Variants in MYO1E observed in about 807,000 individuals in gnomAD.
MYO1E encodes the protein myosin IE.
Under a neutral mutation model 151.1 loss-of-function variants are expected in MYO1E, and 68 were observed. That is an observed-to-expected ratio of 0.45 (90% CI 0.37 to 0.55). The LOEUF is 0.55. Ranked by LOEUF, MYO1E falls within the 20% of genes least tolerant of loss-of-function variation. The pLI, the probability that MYO1E is intolerant of heterozygous loss-of-function variation, is 0.00. For missense variants in MYO1E, 1,363 were observed against 1,389.3 expected (o/e 0.98, Z 0.30); for synonymous variants, 601 against 501.7 (o/e 1.20, Z -2.64).
intron 1 of MYO1E, among the ~76,000 whole-genome samples, chr15:59,345,918 C>A (rs2080791632): frequency 2.0e-5 from 3 of 152,202 alleles, no homozygotes; most frequent in Admixed American, 2.0e-4. Flanking sequence ...GAGGTTTTAT[C>A]CAGCAGTTGC....
At chr15:59,330,645 C>T (rs1021473983) in intron 1 of MYO1E, among the ~76,000 whole-genome samples, 14 of 152,210 alleles carry the variant, frequency 9.2e-5, no homozygotes, top group Middle Eastern at 3.4e-3. Flanking sequence ...ACAATAGCAC[C>T]CTCCATTCCA....
At chr15:59,224,871 C>A (rs1432726712) in intron 7 of MYO1E, 48 bp from the exon 8 acceptor site, 1 of 1,613,346 alleles carries the variant, frequency 6.2e-7, no homozygotes, top group African/African-American at 1.3e-5. Context: ...CCACAAGGCA[C>A]CCGAAGTCAC....
intron 5 of MYO1E, among the ~76,000 whole-genome samples, chr15:59,232,421 A>G (rs1262936732): frequency 6.6e-6 from 1 of 152,214 alleles, no homozygotes; most frequent in African/African-American, 2.4e-5. Flanking sequence ...CAGCACTGAT[A>G]CACACTTTAA....
chr15:59,168,377 C>G (rs1312373179), intron 22 of MYO1E, among the ~76,000 whole-genome samples: 1 of 151,850 alleles, frequency 6.6e-6, no homozygotes, highest in Non-Finnish European at 1.5e-5. Flanking sequence ...GAAACCGTGT[C>G]TCTACAAAAA....
intron 17 of MYO1E, among the ~76,000 whole-genome samples, chr15:59,191,183 T>A (rs750729431): frequency 1.3e-5 from 2 of 152,014 alleles, no homozygotes; most frequent in Non-Finnish European, 2.9e-5. Flanking sequence ...AAGCCGGGCA[T>A]AGTGGCTCAC....
intron 1 of MYO1E, among the ~76,000 whole-genome samples, chr15:59,302,292 C>T (rs1321023328): frequency 6.8e-6 from 1 of 148,124 alleles, no homozygotes; most frequent in Non-Finnish European, 1.5e-5. Context: ...AAAAAGGCAC[C>T]CCAAAATAGA....
rs1033478544 is a variant in MYO1E at position 59,137,067 on chromosome 15, G to C, written c.*313C>G. The C allele has an allele frequency of 4.8e-6, 2 of 418,748 alleles. No homozygotes were observed. The highest frequency in any genetic ancestry group is 3.5e-5 in the Admixed American group (1 of 28,520). 25.9% of individuals were successfully genotyped at this position (418,748 alleles called of 1,614,324 possible). On this transcript the variant is annotated 3_prime_UTR_variant, in exon 28 of 28. Coordinates refer to ENST00000288235, the MANE Select transcript of MYO1E (RefSeq NM_004998.4). ...GAGCAAGCAGGGTGCTGTTTTGATA[G>C]AAGCCTACAAGGTCTGAGCAGACCT...
rs2079792736 is a variant in MYO1E, at chr15:59,200,256, A to T, written c.1698+2070T>A. Among the ~76,000 whole-genome samples, 3 of 152,298 alleles carry T rather than the reference A, an allele frequency of 2.0e-5. No homozygotes were observed. In the South Asian group the frequency reaches 6.2e-4, roughly 32 times the overall value. On this transcript the variant is annotated intron_variant, in intron 16 of 27. Transcript: ENST00000288235. ...TCTGGGCCCCTTGGATCTGAATGTG[A>T]CAGTCTTATGACTCGATTTTCCAGC...
At position 59,279,014 on chromosome 15, in the gene MYO1E, G is replaced by T. The variant is rs752801154; in HGVS notation, c.4-6565C>A. 8.1e-4 allele frequency among the ~76,000 whole-genome samples: 123 copies of T among 152,044 alleles called. 1 individual carries two copies. The highest frequency in any genetic ancestry group is 1.5e-3 in the Non-Finnish European group (100 of 68,020). On this transcript the variant is annotated intron_variant, in intron 1 of 27. Transcript: ENST00000288235. Reference sequence around the variant, plus strand: ...AGGCTCGGGGAAGGGAATACTCAATGAATATGGAGTATGTGCTTATTCATA... The same window carrying T: ...AGGCTCGGGGAAGGGAATACTCAATTAATATGGAGTATGTGCTTATTCATA...
At position 59,171,931 on chromosome 15, in the gene MYO1E, T is replaced by C. The variant is rs758157067; in HGVS notation, c.2446A>G (p.Ile816Val). 1.2e-6 allele frequency: 2 copies of C among 1,614,214 alleles called. No homozygotes were observed. The highest frequency in any genetic ancestry group is 1.7e-5 in the Admixed American group (1 of 60,028). The change falls in exon 22 of 28, where the codon ATC (isoleucine) becomes GTC (valine). Residue 816 changes from isoleucine (I) to valine (V), a missense_variant. Ile to Val is a conservative substitution (Grantham distance 29). Coordinates refer to ENST00000288235, the MANE Select transcript of MYO1E (RefSeq NM_004998.4). ...ACAGACAAGATCCGTTCTATCTCGA[T>C]TTTCCGCTTCAGGACTTCTTTCACC... ...GLVKEVLKRK[I>V]EIERILSVSL...
At chr15:59,192,542 TCAGA>T (rs2079740388) in intron 17 of MYO1E, among the ~76,000 whole-genome samples, 1 of 152,132 alleles carries the variant, frequency 6.6e-6, no homozygotes, top group African/African-American at 2.4e-5. Flanking sequence ...GGGGCATTGA[TCAGA>T]CAATGCCCAG....
At chr15:59,342,022 C>T (rs372999787) in intron 1 of MYO1E, among the ~76,000 whole-genome samples, 1 of 152,184 alleles carries the variant, frequency 6.6e-6, no homozygotes, top group African/African-American at 2.4e-5. Flanking sequence ...CTTTTCTTCA[C>T]ATCCTTGCCA....
chr15:59,144,737 T>G lies in MYO1E; in HGVS notation c.3081-6370A>C, dbSNP rs563553628. ...ACCTGGAAGCCACCTTGGAACACAG[T>G]TGGTGGGAACAGCCATTTTCCCAGA... is the stretch of plus-strand genomic sequence containing the variant. On this transcript the variant is annotated intron_variant, in intron 26 of 27. Transcript: ENST00000288235. Among the ~76,000 whole-genome samples, 13 of 152,276 alleles carry G rather than the reference T, an allele frequency of 8.5e-5. No homozygotes were observed. The East Asian group carries it at 2.3e-3, about 27-fold the overall frequency.
Position 59,279,955 on chromosome 15 carries a change from C to A in MYO1E, c.4-7506G>T, listed in dbSNP as rs1391477424. ...AGTATGTATATATAAAATATACACA[C>A]ACAGAGCTGTTTTCATTGTGAAAAA... On this transcript the variant is annotated intron_variant, in intron 1 of 27. Transcript: ENST00000288235. 2.6e-5 allele frequency among the ~76,000 whole-genome samples: 4 copies of A among 152,246 alleles called. No individual in the cohort carries two copies. In the South Asian group the frequency reaches 8.3e-4, roughly 32 times the overall value.
rs1468546434 is a variant in MYO1E, at chr15:59,134,318, G to A, written c.*3062C>T. On this transcript the variant is annotated 3_prime_UTR_variant, in exon 28 of 28. Coordinates refer to ENST00000288235, the MANE Select transcript of MYO1E (RefSeq NM_004998.4). Reference sequence around the variant, plus strand: ...TTGGGGAGCAAGCTTATTCAAGAAGGCTTCACCCTTTGTCCTCTCCACATG... The same window carrying A: ...TTGGGGAGCAAGCTTATTCAAGAAGACTTCACCCTTTGTCCTCTCCACATG... 1 of 152,222 alleles carries A rather than the reference G, an allele frequency of 6.6e-6. No homozygotes were observed. The highest frequency in any genetic ancestry group is 2.4e-5 in the African/African-American group (1 of 41,438). 9.4% of individuals were successfully genotyped at this position (152,222 alleles called of 1,614,324 possible). A position where few individuals can be genotyped will look rare whatever the true frequency, so the allele number is the denominator to read the frequency against.
At chr15:59,166,014 G>A (rs980503248) in intron 22 of MYO1E, among the ~76,000 whole-genome samples, 1 of 152,184 alleles carries the variant, frequency 6.6e-6, no homozygotes, top group African/African-American at 2.4e-5. Flanking sequence ...GGTTTAATGG[G>A]CTTAGATTTA....
chr15:59,217,754 C>A (rs573151613), intron 10 of MYO1E, 137 bp downstream of exon 10: 2 of 990,368 alleles, frequency 2.0e-6, no homozygotes, highest in South Asian at 1.3e-5. Context: ...TCTCAAACTC[C>A]TGGGCTGCAG....
At chr15:59,212,108 C>A (rs1188236371) in intron 12 of MYO1E, among the ~76,000 whole-genome samples, 1 of 152,096 alleles carries the variant, frequency 6.6e-6, no homozygotes, top group Non-Finnish European at 1.5e-5. Flanking sequence ...CCTGCCTCCC[C>A]TCTCCCATCT....
At chr15:59,320,031 G>A (rs1343742831) in intron 1 of MYO1E, among the ~76,000 whole-genome samples, 3 of 152,150 alleles carry the variant, frequency 2.0e-5, no homozygotes, top group Admixed American at 2.0e-4. Context: ...ATACACCAAT[G>A]ACATTCAAGT....
Sources: gnomAD v4.1 joint callset for allele counts (sites outside exome capture counted in the v4.1 genomes callset) on GRCh38, gnomAD v4.1.1 for gene constraint, MANE v1.5 for transcripts, NCBI Gene and HGNC (gene_info 2026-07-23, HGNC 2026-07-21) for gene names.